TPMT: variants seen among roughly 807,000 people sequenced by gnomAD.
TPMT encodes the protein S-adenosyl-L-methionine:thiopurine S-methyltransferase.
TPMT carries 18 observed loss-of-function variants against 34.2 expected under a neutral mutation model. The ratio of observed to expected loss-of-function variants is 0.53; its 90% CI spans 0.36 to 0.78. The LOEUF is 0.78. TPMT is among the 30% of genes least tolerant of loss of function. The probability of loss-of-function intolerance (pLI) is 0.00; values close to 1 mark genes in which losing one functional copy is unlikely to be tolerated. For synonymous variants in TPMT, 69 were observed against 92.4 expected (o/e 0.75, Z 1.45); for missense variants, 265 against 288.1 (o/e 0.92, Z 0.58).
rs1301273893 is a variant in TPMT at position 18,129,543 on chromosome 6, CAG to C, written c.*1123_*1124del. On this transcript the variant is annotated 3_prime_UTR_variant, in exon 9 of 9. Coordinates refer to ENST00000309983, the MANE Select transcript of TPMT (RefSeq NM_000367.5). The stretch of plus-strand genomic sequence containing the variant: ...TAAACCATTTAGTTGTTGGGTAGTA[CAG>C]AGTTATAGAGGACTGTCTGATATAA... The C allele has an allele frequency of 1.3e-5, 2 of 152,072 alleles. No homozygotes were observed. Among genetic ancestry groups the C allele is most frequent in the African/African-American group, 2.4e-5 (1 of 41,384 alleles). 9.4% of individuals were successfully genotyped at this position (152,072 alleles called of 1,614,324 possible).
chr6:18,132,822 G>A lies in TPMT; in HGVS notation c.581-645C>T, dbSNP rs112336513. 3.3e-5 allele frequency among the ~76,000 whole-genome samples: 5 copies of A among 152,026 alleles called. No homozygotes were observed. Among genetic ancestry groups the A allele is most frequent in the African/African-American group, 1.2e-4 (5 of 41,464 alleles). ...CAGAAACAAAATACTAGCTGGGAAC[G>A]GTGGCTCACGCCTGTAATCCCAGCA... is the stretch of plus-strand genomic sequence containing the variant. On this transcript the variant is annotated intron_variant, in intron 7 of 8. Coordinates refer to ENST00000309983, the MANE Select transcript of TPMT (RefSeq NM_000367.5). The surrounding 1 kb of genome is among the most constrained non-coding windows in gnomAD (Gnocchi z 4.8).
In TPMT at chr6:18,149,471, G is replaced by GTTT. The variant is rs538361641; in HGVS notation, c.-44-303_-44-301dup. On this transcript the variant is annotated intron_variant, in intron 1 of 8. Transcript: ENST00000309983. The surrounding 1 kb of genome is among the most constrained non-coding windows in gnomAD (Gnocchi z 5.0). ...ATGCCCAGCTAATCTTTCTTTCCTT[G>GTTT]TTTTTTTTTTTTTCAGAGACAAGGT... Among the ~76,000 whole-genome samples the GTTT allele has an allele frequency of 7.1e-6, 1 of 140,406 alleles. No individual in the cohort carries two copies. The highest frequency in any genetic ancestry group is 2.6e-5 in the African/African-American group (1 of 38,368). The allele number at this position is 140,406 out of a possible 152,430, so 92.1% of individuals were successfully genotyped here.
In TPMT at chr6:18,153,091, C is replaced by T. The variant is rs1162135036; in HGVS notation, c.-45+1942G>A. ...CTTTCATAAATATTCATGAGTCATCCTACAGCTTACTGAATATGTATATTT... is the reference window on the plus strand; with the variant it reads ...CTTTCATAAATATTCATGAGTCATCTTACAGCTTACTGAATATGTATATTT... On this transcript the variant is annotated intron_variant, in intron 1 of 8. Transcript: ENST00000309983. This position sits in a 1 kb window ranked among gnomAD's most constrained non-coding sequence, Gnocchi z 4.2. 6.6e-6 allele frequency among the ~76,000 whole-genome samples: 1 copy of T among 152,140 alleles called. No individual in the cohort carries two copies. The highest frequency in any genetic ancestry group is 2.1e-4 in the South Asian group (1 of 4,832).
rs1268600254 is a variant in TPMT, at chr6:18,143,925, A to G, written c.234-197T>C. Among the ~76,000 whole-genome samples the G allele has an allele frequency of 6.6e-6, 1 of 152,196 alleles. No individual in the cohort carries two copies. The highest frequency in any genetic ancestry group is 1.5e-5 in the Non-Finnish European group (1 of 68,024). On this transcript the variant is annotated intron_variant, in intron 3 of 8. Transcript: ENST00000309983. This position sits in a 1 kb window ranked among gnomAD's most constrained non-coding sequence, Gnocchi z 6.1. ...TAAAAATTCTGAAAAACTGACTTAT[A>G]TGAATTCAGGAAACAATAAAAATTT...
rs1014029012 is a variant in TPMT, at chr6:18,150,046, T to A, written c.-44-875A>T. Among the ~76,000 whole-genome samples, 1 of 152,154 alleles carries A rather than the reference T, an allele frequency of 6.6e-6. No individual in the cohort carries two copies. Among genetic ancestry groups the A allele is most frequent in the Admixed American group, 6.5e-5 (1 of 15,276 alleles). ...CCTGGAGATAGTGTCAGATTCTATA[T>A]GTTGGGGGCTCAGTCCCTAAGATTT... is the stretch of plus-strand genomic sequence containing the variant. On this transcript the variant is annotated intron_variant, in intron 1 of 8. Transcript: ENST00000309983. This position sits in a 1 kb window ranked among gnomAD's most constrained non-coding sequence, Gnocchi z 5.3.
Position 18,140,810 on chromosome 6 carries a change from C to A in TPMT, c.367-1093G>T, listed in dbSNP as rs1055283837. 6.6e-6 allele frequency among the ~76,000 whole-genome samples: 1 copy of A among 152,132 alleles called. No homozygotes were observed. The highest frequency in any genetic ancestry group is 1.5e-5 in the Non-Finnish European group (1 of 68,020). ...CTAGGGTGTGGACTGGGGGCACACT[C>A]CAAGAGGGGGCAATATAACATAGAC... On this transcript the variant is annotated intron_variant, in intron 4 of 8. Transcript: ENST00000309983. This position sits in a 1 kb window ranked among gnomAD's most constrained non-coding sequence, Gnocchi z 4.7.
chr6:18,142,159 C>T lies in TPMT; in HGVS notation c.366+1437G>A, dbSNP rs144187600. 7.9e-3 allele frequency among the ~76,000 whole-genome samples: 1,205 copies of T among 152,172 alleles called. 15 individuals are homozygous for T. The highest frequency in any genetic ancestry group is 0.028 in the African/African-American group (1,159 of 41,526). ...TGGCAGGTTTTTTCCTCTCGGAAGT[C>T]CCCTCTCTCTCACTAAAGAGAGAGC... On this transcript the variant is annotated intron_variant, in intron 4 of 8. Transcript: ENST00000309983.
chr6:18,143,604 C>T lies in TPMT; in HGVS notation c.358G>A (p.Val120Ile). The change falls in exon 4 of 9, where the codon GTA (valine) becomes ATA (isoleucine). Residue 120 changes from valine (V) to isoleucine (I), a missense_variant. Val to Ile is a conservative substitution (Grantham distance 29). Coordinates refer to ENST00000309983, the MANE Select transcript of TPMT (RefSeq NM_000367.5). The surrounding 1 kb of genome is among the most constrained non-coding windows in gnomAD (Gnocchi z 6.1). ...CCCAAATCAAAACAAACCTTAAATA[C>T]TTTGGTTCCAGGAATTTCGGTGATT... Reference protein sequence around the residue: ...EPITEIPGTKVFKSSSGNISL... With the variant: ...EPITEIPGTKIFKSSSGNISL... 3 of 1,612,548 alleles carry T rather than the reference C, an allele frequency of 1.9e-6. No individual in the cohort carries two copies. The highest frequency in any genetic ancestry group is 2.5e-6 in the Non-Finnish European group (3 of 1,179,968).
rs1784409633 is a variant in TPMT, at chr6:18,153,866, A to G, written c.-45+1167T>C. Among the ~76,000 whole-genome samples the G allele has an allele frequency of 6.6e-6, 1 of 152,250 alleles. No homozygotes were observed. The highest frequency in any genetic ancestry group is 1.5e-5 in the Non-Finnish European group (1 of 68,050). The stretch of plus-strand genomic sequence containing the variant: ...CAGCAGCCTGGAGTAGCACAACTCT[A>G]TTCCTTTCACACAAACTTGAACTGT... On this transcript the variant is annotated intron_variant, in intron 1 of 8. Transcript: ENST00000309983. This position sits in a 1 kb window ranked among gnomAD's most constrained non-coding sequence, Gnocchi z 4.2.
chr6:18,142,842 T>C (rs1190460097), intron 4 of TPMT, among the ~76,000 whole-genome samples: 20 of 152,140 alleles, frequency 1.3e-4, no homozygotes, highest in Admixed American at 1.2e-3. Flanking sequence ...TTGGTCCTCA[T>C]TCGGTCACAG....
In TPMT at chr6:18,135,016, A is replaced by G. The variant is rs566538748; in HGVS notation, c.495-1127T>C. Among the ~76,000 whole-genome samples the G allele has an allele frequency of 6.6e-6, 1 of 152,316 alleles. No individual in the cohort carries two copies. Among genetic ancestry groups the G allele is most frequent in the African/African-American group, 2.4e-5 (1 of 41,576 alleles). ...AGTTGGGGAGGCAAGTGCAGACTCT[A>G]TGAGATGCCCAGGCTCAAACCCCAG... is the stretch of plus-strand genomic sequence containing the variant. On this transcript the variant is annotated intron_variant, in intron 6 of 8. Coordinates refer to ENST00000309983, the MANE Select transcript of TPMT (RefSeq NM_000367.5). This position sits in a 1 kb window ranked among gnomAD's most constrained non-coding sequence, Gnocchi z 5.0.
At chr6:18,133,777 G>GAAAAAAAAAAAAAAA in intron 7 of TPMT, 27 bp downstream of exon 7, 5 of 1,348,422 alleles carry the variant, frequency 3.7e-6, no homozygotes, top group African/African-American at 1.5e-5. Flanking sequence ...ACTGGTAAAA[G>GAAAAAAAAAAAAAAA]AAAAAAAAAA....
In TPMT at chr6:18,149,442, C is replaced by T. The variant is rs547886827; in HGVS notation, c.-44-271G>A. 1.5e-3 allele frequency among the ~76,000 whole-genome samples: 233 copies of T among 151,856 alleles called. No homozygotes were observed. Among genetic ancestry groups the T allele is most frequent in the Non-Finnish European group, 2.6e-3 (179 of 67,926 alleles). Reference sequence around the variant, plus strand: ...AGTAGCTGGGACTGCAGGTGTGCACCATCATGCCCAGCTAATCTTTCTTTC... The same window carrying T: ...AGTAGCTGGGACTGCAGGTGTGCACTATCATGCCCAGCTAATCTTTCTTTC... On this transcript the variant is annotated intron_variant, in intron 1 of 8. Coordinates refer to ENST00000309983, the MANE Select transcript of TPMT (RefSeq NM_000367.5). This position sits in a 1 kb window ranked among gnomAD's most constrained non-coding sequence, Gnocchi z 5.0.
rs1371639108 is a variant in TPMT at position 18,140,229 on chromosome 6, G to A, written c.367-512C>T. ...GGTTCTTGACAGTAGATTTGAATTC[G>A]ACACAGTCTCTGACCACAGTGAGGA... On this transcript the variant is annotated intron_variant, in intron 4 of 8. Coordinates refer to ENST00000309983, the MANE Select transcript of TPMT (RefSeq NM_000367.5). The surrounding 1 kb of genome is among the most constrained non-coding windows in gnomAD (Gnocchi z 4.7). Among the ~76,000 whole-genome samples, 3 of 152,092 alleles carry A rather than the reference G, an allele frequency of 2.0e-5. No homozygotes were observed. The highest frequency in any genetic ancestry group is 4.8e-5 in the African/African-American group (2 of 41,424).
intron 7 of TPMT, 70 bp downstream of exon 7, chr6:18,133,734 C>T: frequency 1.8e-6 from 2 of 1,129,024 alleles, no homozygotes; most frequent in Non-Finnish European, 2.6e-6. Context: ...AATTCTTATC[C>T]ATGTCATAGA....
rs1211008779 is a variant in TPMT at position 18,129,058 on chromosome 6, G to A, written c.*1610C>T. On this transcript the variant is annotated 3_prime_UTR_variant, in exon 9 of 9. Transcript: ENST00000309983. The stretch of plus-strand genomic sequence containing the variant: ...GTTCAACATCAGCGTGGGCAACAAA[G>A]TGAGACCCTGTCTCTACATAAAAGT... 6.6e-6 allele frequency: 1 copy of A among 152,272 alleles called. No individual in the cohort carries two copies. Among genetic ancestry groups the A allele is most frequent in the East Asian group, 1.9e-4 (1 of 5,196 alleles). 9.4% of individuals were successfully genotyped at this position (152,272 alleles called of 1,614,324 possible).
Position 18,149,008 on chromosome 6 carries a change from A to C in TPMT, c.120T>G (p.Phe40Leu), listed in dbSNP as rs1446592306. The part of the protein sequence containing the change: ...QDKWVNGKTA[F>L]HQEQGHQLLK... ...CTTACTGATGTCCTTGTTCCTGATGAAAAGCAGTCTTGCCGTTCACCCACT... is the reference window on the plus strand; with the variant it reads ...CTTACTGATGTCCTTGTTCCTGATGCAAAGCAGTCTTGCCGTTCACCCACT... Residue 40 changes from phenylalanine to leucine, a missense_variant, in exon 2 of 9, where the codon TTT becomes TTG. Physicochemically the swap from Phe to Leu is conservative, Grantham distance 22. Transcript: ENST00000309983. This position sits in a 1 kb window ranked among gnomAD's most constrained non-coding sequence, Gnocchi z 5.0. 1 of 1,613,852 alleles carries C rather than the reference A, an allele frequency of 6.2e-7. No individual in the cohort carries two copies. Among genetic ancestry groups the C allele is most frequent in the Admixed American group, 1.7e-5 (1 of 60,004 alleles).
In TPMT at chr6:18,133,882, C is replaced by A. The variant is rs1783992900; in HGVS notation, c.502G>T (p.Asp168Tyr). The A allele has an allele frequency of 3.1e-6, 5 of 1,613,212 alleles. No homozygotes were observed. The highest frequency in any genetic ancestry group is 4.2e-6 in the Non-Finnish European group (5 of 1,179,356). ...TTTCCCAGGAGGGAAAACATTGTAT[C>A]TGCATAGCTACAAAGAACACAAGAA... Reference protein sequence around the residue: ...INPGDRKCYADTMFSLLGKKF... With the variant: ...INPGDRKCYAYTMFSLLGKKF... The change falls in exon 7 of 9, where the codon GAT (aspartate) becomes TAT (tyrosine). Residue 168 changes from aspartate (D) to tyrosine (Y), a missense_variant. By Grantham distance (160) the Asp-to-Tyr change is radical (BLOSUM62 -3). Coordinates refer to ENST00000309983, the MANE Select transcript of TPMT (RefSeq NM_000367.5).
In TPMT at chr6:18,146,986, G is replaced by T. The variant is rs1466787977; in HGVS notation, c.233+837C>A. On this transcript the variant is annotated intron_variant, in intron 3 of 8. Transcript: ENST00000309983. This position sits in a 1 kb window ranked among gnomAD's most constrained non-coding sequence, Gnocchi z 6.2. ...TTTTAAATTTATTTTTTGAGGCAGG[G>T]TCTATGTTGTCCAGACTGGTCTCAA... Among the ~76,000 whole-genome samples, 2 of 152,042 alleles carry T rather than the reference G, an allele frequency of 1.3e-5. No individual in the cohort carries two copies. The highest frequency in any genetic ancestry group is 2.9e-5 in the Non-Finnish European group (2 of 68,016).
Sources: allele counts gnomAD v4.1 joint callset (sites outside exome capture counted in the v4.1 genomes callset), GRCh38; gene constraint gnomAD v4.1.1; non-coding constraint Gnocchi (gnomAD v3.1); transcripts MANE v1.5; gene names NCBI Gene and HGNC (gene_info 2026-07-23, HGNC 2026-07-21).